ANKH: variants seen among roughly 807,000 people sequenced by gnomAD.
ANKH encodes ANKH inorganic pyrophosphate transport regulator.
In ANKH, 15 loss-of-function variants were observed where a neutral mutation model predicts 49.0. The observed-to-expected ratio is 0.31, with a 90% CI of 0.20 to 0.47. The LOEUF is 0.47. ANKH is among the 20% of genes least tolerant of loss of function. The probability of loss-of-function intolerance (pLI) is 1.00; values close to 1 mark genes in which losing one functional copy is unlikely to be tolerated. For synonymous variants in ANKH, 273 were observed against 260.0 expected (o/e 1.05, Z -0.48); for missense variants, 429 against 652.0 (o/e 0.66, Z 3.72).
rs2126402861 is a variant in ANKH, at chr5:14,713,105, T to G, written c.1266-132A>C. The G allele has an allele frequency of 7.9e-6, 7 of 886,332 alleles. 1 individual carries two copies. In the South Asian group the frequency reaches 1.0e-4, roughly 13 times the overall value. The allele number at this position is 886,332 out of a possible 1,614,324, so 54.9% of individuals were successfully genotyped here. On this transcript the variant is annotated intron_variant, in intron 10 of 11. Coordinates refer to ENST00000284268, the MANE Select transcript of ANKH (RefSeq NM_054027.6). This position sits in a 1 kb window ranked among gnomAD's most constrained non-coding sequence, Gnocchi z 4.4. ...CAGCGGCGTTCTCCATCTGCTGGCT[T>G]CGTAAGGGCCGCAGCTAATAACCTA... is the stretch of plus-strand genomic sequence containing the variant.
At chr5:14,809,244 G>A (rs1464692678) in intron 1 of ANKH, among the ~76,000 whole-genome samples, 2 of 122,030 alleles carry the variant, frequency 1.6e-5, no homozygotes, top group Non-Finnish European at 3.3e-5. Flanking sequence ...TAGATGACAC[G>A]TTAGTGGGTG....
chr5:14,783,474 A>G (rs1739876515), intron 1 of ANKH, among the ~76,000 whole-genome samples: 2 of 152,220 alleles, frequency 1.3e-5, no homozygotes, highest in African/African-American at 4.8e-5. Flanking sequence ...TATTGGTTTA[A>G]ATTATTGATG....
intron 1 of ANKH, among the ~76,000 whole-genome samples, chr5:14,775,438 T>C (rs1461988758): frequency 6.6e-6 from 1 of 152,196 alleles, no homozygotes. Flanking sequence ...GTTATGTCAA[T>C]GTGGTCTCTC....
At chr5:14,801,407 C>A (rs565046404) in intron 1 of ANKH, among the ~76,000 whole-genome samples, 2 of 152,174 alleles carry the variant, frequency 1.3e-5, no homozygotes, top group Non-Finnish European at 2.9e-5. Context: ...TGCTATGTTA[C>A]TGAAAGTATA....
Position 14,710,013 on chromosome 5 carries a change from C to T in ANKH, c.*1184G>A, listed in dbSNP as rs1737103703. The T allele has an allele frequency of 6.6e-6, 1 of 152,040 alleles. No homozygotes were observed. The highest frequency in any genetic ancestry group is 2.4e-5 in the African/African-American group (1 of 41,366). 9.4% of individuals were successfully genotyped at this position (152,040 alleles called of 1,614,324 possible). A position where few individuals can be genotyped will look rare whatever the true frequency, so the allele number is the denominator to read the frequency against. On this transcript the variant is annotated 3_prime_UTR_variant, in exon 12 of 12. Coordinates refer to ENST00000284268, the MANE Select transcript of ANKH (RefSeq NM_054027.6). ...TTTTTAAAGGAAAAAACCTGCTTTC[C>T]AAAACTTAGAAAAATATACTGCACT...
chr5:14,791,113 G>GA (rs1430377665), intron 1 of ANKH, among the ~76,000 whole-genome samples: 1 of 152,174 alleles, frequency 6.6e-6, no homozygotes, highest in Non-Finnish European at 1.5e-5. Context: ...GCAATATTGG[G>GA]ACTTTGGCCT....
chr5:14,814,653 T>C (rs1460905179), intron 1 of ANKH, among the ~76,000 whole-genome samples: 1 of 152,218 alleles, frequency 6.6e-6, no homozygotes, highest in African/African-American at 2.4e-5. Flanking sequence ...AGTGGATAAA[T>C]TAAGTCAGAT....
At chr5:14,844,933 C>T (rs1741914189) in intron 1 of ANKH, among the ~76,000 whole-genome samples, 1 of 151,822 alleles carries the variant, frequency 6.6e-6, no homozygotes, top group Non-Finnish European at 1.5e-5. Flanking sequence ...CAACTTTCTA[C>T]TTAAAAATGT....
intron 8 of ANKH, among the ~76,000 whole-genome samples, chr5:14,728,727 A>G (rs914120864): frequency 1.3e-5 from 2 of 152,188 alleles, no homozygotes; most frequent in Non-Finnish European, 2.9e-5. Context: ...AATTTCTAAC[A>G]TGGAACGCAG....
At position 14,717,064 on chromosome 5, in the gene ANKH, G is replaced by A. The variant is rs754805187; in HGVS notation, c.1012-229C>T. On this transcript the variant is annotated intron_variant, in intron 8 of 11. Coordinates refer to ENST00000284268, the MANE Select transcript of ANKH (RefSeq NM_054027.6). Reference sequence around the variant, plus strand: ...GTACCCAGGGGACCCCCACGGCAGAGCAGATGTGGCTCCTCCAAGAGTGGG... The same window carrying A: ...GTACCCAGGGGACCCCCACGGCAGAACAGATGTGGCTCCTCCAAGAGTGGG... The A allele has an allele frequency of 2.5e-5, 13 of 516,536 alleles. No homozygotes were observed. The Admixed American group carries it at 3.1e-4, about 12-fold the overall frequency. The allele number at this position is 516,536 out of a possible 1,614,324, so 32.0% of individuals were successfully genotyped here. A position where few individuals can be genotyped will look rare whatever the true frequency, so the allele number is the denominator to read the frequency against.
chr5:14,741,790 AAC>A (rs780987778), intron 8 of ANKH, 35 bp downstream of exon 8: 1 of 1,555,590 alleles, frequency 6.4e-7, no homozygotes, highest in South Asian at 1.1e-5. Flanking sequence ...ACAAAAACCA[AAC>A]AGAGAGAAGA....
chr5:14,747,338 G>C (rs1738570125), intron 6 of ANKH, among the ~76,000 whole-genome samples: 1 of 152,172 alleles, frequency 6.6e-6, no homozygotes, highest in Non-Finnish European at 1.5e-5. Flanking sequence ...CCAGCACTTT[G>C]GGAGGCCAAG....
rs753287380 is a variant in ANKH at position 14,713,065 on chromosome 5, C to T, written c.1266-92G>A. On this transcript the variant is annotated intron_variant, in intron 10 of 11. Transcript: ENST00000284268. The surrounding 1 kb of genome is among the most constrained non-coding windows in gnomAD (Gnocchi z 4.4). ...AAACCCAGGAAAGTAAGTGTAGCCTCGAGACGGCTGAGACCAGCGGCGTTC... is the reference window on the plus strand; with the variant it reads ...AAACCCAGGAAAGTAAGTGTAGCCTTGAGACGGCTGAGACCAGCGGCGTTC... 3 of 1,265,874 alleles carry T rather than the reference C, an allele frequency of 2.4e-6. No individual in the cohort carries two copies. Among genetic ancestry groups the T allele is most frequent in the African/African-American group, 1.5e-5 (1 of 67,812 alleles). 78.4% of individuals were successfully genotyped at this position (1,265,874 alleles called of 1,614,324 possible). A position where few individuals can be genotyped will look rare whatever the true frequency, so the allele number is the denominator to read the frequency against.
intron 1 of ANKH, among the ~76,000 whole-genome samples, chr5:14,854,085 A>G (rs888554646): frequency 7.9e-5 from 12 of 152,230 alleles, no homozygotes; most frequent in Admixed American, 3.9e-4. Context: ...CTATATCACT[A>G]TTTCATTAAG....
In ANKH at chr5:14,725,185, CTG is replaced by C. The variant is rs1737786809; in HGVS notation, c.1012-8352_1012-8351del. ...CTGCCGGGCTGGCACTCCAACCCAG[CTG>C]TGTCTCTGTCTGTTGTCTCTAGGTG... On this transcript the variant is annotated intron_variant, in intron 8 of 11. Transcript: ENST00000284268. This position sits in a 1 kb window ranked among gnomAD's most constrained non-coding sequence, Gnocchi z 4.0. 6.6e-6 allele frequency among the ~76,000 whole-genome samples: 1 copy of C among 152,212 alleles called. No homozygotes were observed.
intron 1 of ANKH, among the ~76,000 whole-genome samples, chr5:14,863,066 A>AT (rs1196390721): frequency 3.9e-5 from 6 of 152,202 alleles, no homozygotes; most frequent in Non-Finnish European, 7.3e-5. Context: ...TTGTGTTATC[A>AT]TTAAGTGGTT....
intron 5 of ANKH, among the ~76,000 whole-genome samples, chr5:14,749,507 A>T (rs1232299806): frequency 6.6e-6 from 1 of 152,278 alleles, no homozygotes; most frequent in Non-Finnish European, 1.5e-5. Context: ...TAACCGAGAC[A>T]GCTGGCAAGC....
intron 2 of ANKH, among the ~76,000 whole-genome samples, chr5:14,763,537 A>C (rs374066506): frequency 1.8e-4 from 27 of 152,316 alleles, no homozygotes; most frequent in African/African-American, 6.5e-4. Flanking sequence ...TGTGGGGGAT[A>C]GGGGGCATAA....
chr5:14,727,907 A>T (rs536907227), intron 8 of ANKH, among the ~76,000 whole-genome samples: 1 of 152,226 alleles, frequency 6.6e-6, no homozygotes, highest in South Asian at 2.1e-4. Context: ...GAACCTGCTT[A>T]TAACAGCACA....
Sources: allele counts gnomAD v4.1 joint callset (sites outside exome capture counted in the v4.1 genomes callset), GRCh38; gene constraint gnomAD v4.1.1; non-coding constraint Gnocchi (gnomAD v3.1); transcripts MANE v1.5; gene names NCBI Gene and HGNC (gene_info 2026-07-23, HGNC 2026-07-21).